CDH12: variants seen among roughly 807,000 people sequenced by gnomAD.
The protein encoded by CDH12 is cadherin-12.
In CDH12, 41 loss-of-function variants were observed where a neutral mutation model predicts 74.1. The ratio of observed to expected loss-of-function variants is 0.55; its 90% CI spans 0.43 to 0.72. The LOEUF (loss-of-function observed/expected upper bound fraction) is 0.72, where lower values mean the gene tolerates loss of function less well. Ranked by LOEUF, CDH12 falls within the 30% of genes least tolerant of loss-of-function variation. The probability of loss-of-function intolerance (pLI) is 0.00; values close to 1 mark genes in which losing one functional copy is unlikely to be tolerated. For missense variants in CDH12, 945 were observed against 977.2 expected (o/e 0.97, Z 0.44); for synonymous variants, 399 against 355.0 (o/e 1.12, Z -1.39).
At chr5:22,559,853 A>C (rs1033464610) in intron 1 of CDH12, among the ~76,000 whole-genome samples, 1 of 152,188 alleles carries the variant, frequency 6.6e-6, no homozygotes, top group Non-Finnish European at 1.5e-5. Context: ...AGTGGCTTTG[A>C]AAATGAATAT....
In CDH12 at chr5:21,917,210, A is replaced by G. The variant is rs574233622; in HGVS notation, c.526+57881T>C. ...CATTTGGCTTGAGGGACATGGGGAGACAAAGACAAGAGCTGGCACGTGGCA... is the reference window on the plus strand; with the variant it reads ...CATTTGGCTTGAGGGACATGGGGAGGCAAAGACAAGAGCTGGCACGTGGCA... On this transcript the variant is annotated intron_variant, in intron 6 of 14. Coordinates refer to ENST00000382254, the MANE Select transcript of CDH12 (RefSeq NM_004061.5). 1.1e-4 allele frequency among the ~76,000 whole-genome samples: 17 copies of G among 152,308 alleles called. No homozygotes were observed. In the South Asian group the frequency reaches 3.5e-3, roughly 32 times the overall value.
At chr5:22,651,766 C>T (rs1739753859) in intron 1 of CDH12, among the ~76,000 whole-genome samples, 1 of 151,114 alleles carries the variant, frequency 6.6e-6, no homozygotes, top group Non-Finnish European at 1.5e-5. Context: ...CACAAAGATG[C>T]CCAAATCTGA....
chr5:21,967,846 A>G (rs1439119097), intron 6 of CDH12, among the ~76,000 whole-genome samples: 1 of 152,146 alleles, frequency 6.6e-6, no homozygotes, highest in Non-Finnish European at 1.5e-5. Context: ...CGTGCAGTGG[A>G]CACTTCACGG....
intron 8 of CDH12, among the ~76,000 whole-genome samples, chr5:21,840,080 T>A (rs191045748): frequency 6.6e-6 from 1 of 152,270 alleles, no homozygotes; most frequent in East Asian, 1.9e-4. Flanking sequence ...ACTAAAGTAA[T>A]GTAAATAGCA....
chr5:22,609,976 C>T (rs769022183), intron 1 of CDH12, among the ~76,000 whole-genome samples: 20 of 152,260 alleles, frequency 1.3e-4, no homozygotes, highest in Non-Finnish European at 2.4e-4. Flanking sequence ...CCCAGTTCCA[C>T]CTGTGTTAGA....
chr5:21,872,440 GAC>G (rs1451585622), intron 6 of CDH12, among the ~76,000 whole-genome samples: 1 of 152,096 alleles, frequency 6.6e-6, no homozygotes, highest in Non-Finnish European at 1.5e-5. Context: ...TGCGTCCAGT[GAC>G]ACACATTGAA....
intron 4 of CDH12, among the ~76,000 whole-genome samples, chr5:22,199,562 C>G (rs1227537692): frequency 6.6e-6 from 1 of 152,108 alleles, no homozygotes. Flanking sequence ...CTTTTCATGC[C>G]TGCAGATCAG....
intron 11 of CDH12, among the ~76,000 whole-genome samples, chr5:21,778,042 C>T (rs1402135693): frequency 6.6e-6 from 1 of 152,092 alleles, no homozygotes; most frequent in Non-Finnish European, 1.5e-5. Context: ...TTAATTCCTC[C>T]TATCTAACTC....
chr5:21,941,381 C>T (rs1446926916), intron 6 of CDH12, among the ~76,000 whole-genome samples: 2 of 152,134 alleles, frequency 1.3e-5, no homozygotes, highest in Non-Finnish European at 2.9e-5. Context: ...TAAGATGAGT[C>T]ATTTAATAGC....
intron 3 of CDH12, among the ~76,000 whole-genome samples, chr5:22,396,070 A>G (rs1742443706): frequency 6.6e-6 from 1 of 151,278 alleles, no homozygotes; most frequent in East Asian, 1.9e-4. Flanking sequence ...TATATCAATG[A>G]TGATTGGGCT....
At chr5:21,857,671 C>A (rs554413796) in intron 6 of CDH12, among the ~76,000 whole-genome samples, 1 of 151,586 alleles carries the variant, frequency 6.6e-6, no homozygotes, top group Non-Finnish European at 1.5e-5. Flanking sequence ...CAGGAGATGC[C>A]CACATGATAC....
chr5:22,131,197 T>C (rs71609211), intron 4 of CDH12, among the ~76,000 whole-genome samples: 1 of 152,140 alleles, frequency 6.6e-6, no homozygotes, highest in Non-Finnish European at 1.5e-5. Context: ...TCAGCTTCTA[T>C]ATAAACATTT....
At chr5:22,137,597 C>G (rs1301087993) in intron 4 of CDH12, among the ~76,000 whole-genome samples, 3 of 152,052 alleles carry the variant, frequency 2.0e-5, no homozygotes, top group African/African-American at 7.2e-5. Flanking sequence ...CTCGATCCAT[C>G]CCATCAATTT....
At chr5:22,406,740 T>C (rs1742955861) in intron 2 of CDH12, among the ~76,000 whole-genome samples, 1 of 152,102 alleles carries the variant, frequency 6.6e-6, no homozygotes, top group Non-Finnish European at 1.5e-5. Context: ...TAAATTTCAT[T>C]ATCTGTTTAT....
chr5:21,840,945 G>A (rs955534590), intron 8 of CDH12, among the ~76,000 whole-genome samples: 2 of 151,888 alleles, frequency 1.3e-5, no homozygotes, highest in Non-Finnish European at 2.9e-5. Context: ...ACATAGGCAT[G>A]GGTAAGGACT....
At chr5:22,809,592 T>A (rs1006933799) in intron 1 of CDH12, among the ~76,000 whole-genome samples, 1 of 151,790 alleles carries the variant, frequency 6.6e-6, no homozygotes, top group Non-Finnish European at 1.5e-5. Context: ...ATATAATATT[T>A]AAAAAAATAA....
chr5:22,661,617 A>G (rs1258387522), intron 1 of CDH12, among the ~76,000 whole-genome samples: 1 of 152,154 alleles, frequency 6.6e-6, no homozygotes. Context: ...GATTTTTACC[A>G]TAAAAATAAT....
At chr5:21,813,269 A>T (rs2149939874) in intron 9 of CDH12, among the ~76,000 whole-genome samples, 1 of 152,278 alleles carries the variant, frequency 6.6e-6, no homozygotes, top group Non-Finnish European at 1.5e-5. Context: ...ACCTGAGGTC[A>T]GGAGTTCAAG....
At chr5:22,437,605 T>TACC (rs1744458101) in intron 2 of CDH12, among the ~76,000 whole-genome samples, 1 of 151,322 alleles carries the variant, frequency 6.6e-6, no homozygotes, top group Non-Finnish European at 1.5e-5. Context: ...AAGTACATTC[T>TACC]TTTATAAATT....
Sources: gnomAD v4.1 joint callset for allele counts (sites outside exome capture counted in the v4.1 genomes callset) on GRCh38, gnomAD v4.1.1 for gene constraint, MANE v1.5 for transcripts, NCBI Gene and HGNC (gene_info 2026-07-23, HGNC 2026-07-21) for gene names.